The following CLCA1 variants were observed in gnomAD, a reference collection of about 807,000 sequenced individuals.
The protein encoded by CLCA1 is chloride channel accessory 1.
CLCA1 carries 59 observed loss-of-function variants against 85.6 expected under a neutral mutation model. That is an observed-to-expected ratio of 0.69 (90% CI 0.56 to 0.86). The LOEUF (loss-of-function observed/expected upper bound fraction) is 0.86, where lower values mean the gene tolerates loss of function less well. CLCA1 is among the 40% of genes least tolerant of loss of function. The pLI is 0.00. For missense variants in CLCA1, 1,022 were observed against 1,101.4 expected (o/e 0.93, Z 1.02); for synonymous variants, 396 against 398.3 (o/e 0.99, Z 0.07).
At chr1:86,478,115 G>C (rs1293084374) in intron 4 of CLCA1, among the ~76,000 whole-genome samples, 1 of 152,020 alleles carries the variant, frequency 6.6e-6, no homozygotes, top group Non-Finnish European at 1.5e-5. Context: ...CCTCATTGTT[G>C]GATCTCTTCA....
intron 12 of CLCA1, among the ~76,000 whole-genome samples, chr1:86,497,661 T>C (rs1648329240): frequency 6.6e-6 from 1 of 152,194 alleles, no homozygotes; most frequent in Non-Finnish European, 1.5e-5. Flanking sequence ...TAAAACATTT[T>C]ATTAAAAACT....
intron 9 of CLCA1, among the ~76,000 whole-genome samples, chr1:86,492,634 C>A (rs1648167633): frequency 6.6e-6 from 1 of 152,190 alleles, no homozygotes; most frequent in Non-Finnish European, 1.5e-5. Context: ...AGATAATCCT[C>A]AAAATCACAT....
rs1489044088 is a variant in CLCA1, at chr1:86,498,768, T to C, written c.2310T>C (p.Asn770=). The C allele has an allele frequency of 1.9e-6, 3 of 1,614,116 alleles. No individual in the cohort carries two copies. Among genetic ancestry groups the C allele is most frequent in the African/African-American group, 1.3e-5 (1 of 74,994 alleles). Residue 770 remains asparagine (N), a synonymous_variant, in exon 13 of 14, where the codon AAT becomes AAC. Coordinates refer to ENST00000394711, the MANE Select transcript of CLCA1 (RefSeq NM_001285.4). ...AAATTCACGGGGGCAGTCTCATTAA[T>C]CTGACTTGGACAGCTCCTGGGGATG... is the stretch of plus-strand genomic sequence containing the variant. The part of the protein sequence containing the change: ...KAEIHGGSLI[N]LTWTAPGDDY...
intron 3 of CLCA1, among the ~76,000 whole-genome samples, chr1:86,475,335 C>T (rs893257151): frequency 6.6e-6 from 1 of 152,162 alleles, no homozygotes; most frequent in Admixed American, 6.5e-5. Flanking sequence ...CTCACATAAC[C>T]CTCCAAATTC....
At chr1:86,475,546 T>C (rs1647617735) in intron 3 of CLCA1, among the ~76,000 whole-genome samples, 1 of 152,216 alleles carries the variant, frequency 6.6e-6, no homozygotes. Flanking sequence ...TGACTGTTTA[T>C]CATTGTAAGT....
chr1:86,496,601 AAGG>A (rs1276514157), intron 12 of CLCA1, among the ~76,000 whole-genome samples: 3 of 152,150 alleles, frequency 2.0e-5, no homozygotes, highest in Non-Finnish European at 4.4e-5. Context: ...GGTGTGCGGG[AAGG>A]AGAAGAGCTC....
intron 3 of CLCA1, among the ~76,000 whole-genome samples, chr1:86,475,440 A>G (rs572482326): frequency 6.6e-6 from 1 of 152,334 alleles, no homozygotes; most frequent in African/African-American, 2.4e-5. Flanking sequence ...GCTAAGTTCT[A>G]GACACTATGT....
At chr1:86,486,824 G>C in intron 7 of CLCA1, 71 bp downstream of exon 7, 1 of 1,371,636 alleles carries the variant, frequency 7.3e-7, no homozygotes, top group Non-Finnish European at 1.0e-6. Flanking sequence ...TCCATTTCCA[G>C]TGTTTCCATA....
intron 8 of CLCA1, among the ~76,000 whole-genome samples, chr1:86,489,392 A>G (rs1558142970): frequency 6.6e-6 from 1 of 152,184 alleles, no homozygotes; most frequent in Non-Finnish European, 1.5e-5. Context: ...TGGAACTAGC[A>G]CAGCACTCTA....
chr1:86,474,358 T>C (rs1558133323), intron 3 of CLCA1, among the ~76,000 whole-genome samples: 2 of 152,120 alleles, frequency 1.3e-5, no homozygotes, highest in Non-Finnish European at 2.9e-5. Context: ...ATCAAGACCA[T>C]CCTGGCTAAC....
rs934609718 is a variant in CLCA1 at position 86,500,085 on chromosome 1, C to T, written c.*40C>T. 12 of 1,417,034 alleles carry T rather than the reference C, an allele frequency of 8.5e-6. No homozygotes were observed. Among genetic ancestry groups the T allele is most frequent in the East Asian group, 7.1e-5 (3 of 42,426 alleles). 87.8% of individuals were successfully genotyped at this position (1,417,034 alleles called of 1,614,324 possible). On this transcript the variant is annotated 3_prime_UTR_variant, in exon 14 of 14. Coordinates refer to ENST00000394711, the MANE Select transcript of CLCA1 (RefSeq NM_001285.4). ...CAGATAAATAAAATAAATCATTCATCCTTTTTTTTGATTATAAAATTTTCT... is the reference window on the plus strand; with the variant it reads ...CAGATAAATAAAATAAATCATTCATTCTTTTTTTTGATTATAAAATTTTCT...
intron 3 of CLCA1, among the ~76,000 whole-genome samples, chr1:86,474,114 A>G (rs112973324): frequency 6.6e-6 from 1 of 152,212 alleles, no homozygotes; most frequent in African/African-American, 2.4e-5. Flanking sequence ...GAATTCTCGT[A>G]AATTATTATT....
intron 12 of CLCA1, among the ~76,000 whole-genome samples, chr1:86,496,877 G>A (rs539510536): frequency 6.6e-6 from 1 of 152,192 alleles, no homozygotes; most frequent in Non-Finnish European, 1.5e-5. Context: ...CTACAGGCAC[G>A]TGCCACCATG....
intron 4 of CLCA1, among the ~76,000 whole-genome samples, chr1:86,479,716 TCTACTAAAA>T (rs1243957742): frequency 6.6e-6 from 1 of 152,072 alleles, no homozygotes; most frequent in Non-Finnish European, 1.5e-5. Context: ...AAACCCTGTC[TCTACTAAAA>T]ATACAAAAAA....
intron 1 of CLCA1, among the ~76,000 whole-genome samples, chr1:86,472,844 A>G (rs1647541856): frequency 6.6e-6 from 1 of 152,342 alleles, no homozygotes. Context: ...GACTTAGTAT[A>G]TAATCCCAAA....
rs1429022467 is a variant in CLCA1, at chr1:86,479,133, C to T, written c.557+2580C>T. On this transcript the variant is annotated intron_variant, in intron 4 of 13. Coordinates refer to ENST00000394711, the MANE Select transcript of CLCA1 (RefSeq NM_001285.4). ...TGATCTGTGATCCACTTAGAAAACA[C>T]AAGGAAATAAATTGAAATTAAAATT... 3.3e-5 allele frequency among the ~76,000 whole-genome samples: 5 copies of T among 152,182 alleles called. No homozygotes were observed. The South Asian group carries it at 6.2e-4, about 19-fold the overall frequency.
Position 86,493,461 on chromosome 1 carries a change from G to C in CLCA1, c.1542G>C (p.Lys514Asn). The change falls in exon 10 of 14, where the codon AAG (lysine) becomes AAC (asparagine). Residue 514 changes from lysine to asparagine, a missense_variant. By Grantham distance (94) the Lys-to-Asn change is moderately conservative. Transcript: ENST00000394711. ...GTVIVDSTVG[K>N]DTLFLITWTM... is the part of the protein sequence containing the mutation. The stretch of plus-strand genomic sequence containing the variant: ...TGATCGTGGACAGCACCGTGGGAAA[G>C]GACACTTTGTTTCTTATCACCTGGA... 6.2e-7 allele frequency: 1 copy of C among 1,614,006 alleles called. No homozygotes were observed. The highest frequency in any genetic ancestry group is 8.5e-7 in the Non-Finnish European group (1 of 1,179,914).
chr1:86,476,469 G>A lies in CLCA1; in HGVS notation c.473G>A (p.Trp158Ter), dbSNP rs1647637406. Reference sequence around the variant, plus strand: ...ACAGGTAGGGCATTTGTCCATGAGTGGGCTCATCTACGATGGGGAGTATTT... The same window carrying A: ...ACAGGTAGGGCATTTGTCCATGAGTAGGCTCATCTACGATGGGGAGTATTT... ...GPQGRAFVHE[W>*]AHLRWGVFDE... Residue 158 changes from tryptophan (W) to a stop codon, truncating the protein, a stop_gained, in exon 4 of 14, where the codon TGG becomes TAG. Transcript: ENST00000394711. LOFTEE classifies it high-confidence loss of function. 1 of 1,597,910 alleles carries A rather than the reference G, an allele frequency of 6.3e-7. No homozygotes were observed. The highest frequency in any genetic ancestry group is 1.3e-5 in the African/African-American group (1 of 74,522).
rs758706114 is a variant in CLCA1, at chr1:86,495,631, C to A, written c.2069C>A (p.Pro690His). 7 of 1,613,864 alleles carry A rather than the reference C, an allele frequency of 4.3e-6. No homozygotes were observed. In the African/African-American group the frequency reaches 8.0e-5, roughly 18 times the overall value. ...AACGCAGCCAGACGGAGAGTGATACCCCAGCAGAGTGGAGCACTGTACATA... is the reference window on the plus strand; with the variant it reads ...AACGCAGCCAGACGGAGAGTGATACACCAGCAGAGTGGAGCACTGTACATA... Reference protein sequence around the residue: ...GVNAARRRVIPQQSGALYIPG... With the variant: ...GVNAARRRVIHQQSGALYIPG... Residue 690 changes from proline (P) to histidine (H), a missense_variant, in exon 12 of 14, where the codon CCC (proline) becomes CAC (histidine). Transcript: ENST00000394711.
Sources: gnomAD v4.1 joint callset for allele counts (sites outside exome capture counted in the v4.1 genomes callset) on GRCh38, gnomAD v4.1.1 for gene constraint, MANE v1.5 for transcripts, NCBI Gene and HGNC (gene_info 2026-07-23, HGNC 2026-07-21) for gene names.